The following PRMT9 variants were observed in gnomAD, a reference collection of about 807,000 sequenced individuals.
The protein encoded by PRMT9 is protein arginine methyltransferase 9.
In PRMT9, 59 loss-of-function variants were observed where a neutral mutation model predicts 83.2. The ratio of observed to expected loss-of-function variants is 0.71; its 90% confidence interval spans 0.57 to 0.88. The LOEUF (loss-of-function observed/expected upper bound fraction) is 0.88, where lower values mean the gene tolerates loss of function less well. PRMT9 is among the 40% of genes least tolerant of loss of function. The pLI is 0.00. For synonymous variants in PRMT9, 333 were observed against 353.2 expected, an observed-to-expected ratio of 0.94 and a Z score of 0.64; for missense variants, 947 against 1,021.9, an observed-to-expected ratio of 0.93 and a Z score of 1.00.
At chr4:147,650,714 C>T (rs1233991185) in intron 9 of PRMT9, among the ~76,000 whole-genome samples, 1 of 152,222 alleles carries the variant, frequency 6.6e-6, no homozygotes, top group East Asian at 1.9e-4. Flanking sequence ...GGAGGCCTCA[C>T]ACTTCCTGAC....
chr4:147,646,310 G>A (rs1733723573), intron 9 of PRMT9, among the ~76,000 whole-genome samples: 1 of 152,122 alleles, frequency 6.6e-6, no homozygotes, highest in Non-Finnish European at 1.5e-5. Context: ...TCTGAAAGGA[G>A]AGACTAGCCA....
chr4:147,667,432 T>C (rs1233131875), intron 6 of PRMT9, among the ~76,000 whole-genome samples: 1 of 152,176 alleles, frequency 6.6e-6, no homozygotes, highest in Non-Finnish European at 1.5e-5. Context: ...CAAAATTAAA[T>C]TTACACACAC....
At chr4:147,673,185 T>G (rs1197098454) in intron 3 of PRMT9, 59 bp from the exon 4 acceptor site, 19 of 1,513,478 alleles carry the variant, frequency 1.3e-5, no homozygotes, top group Non-Finnish European at 1.6e-5. Flanking sequence ...TTCTCAAATT[T>G]TAAGGAAATG....
At chr4:147,656,862 A>G (rs1281789963) in intron 8 of PRMT9, among the ~76,000 whole-genome samples, 1 of 151,790 alleles carries the variant, frequency 6.6e-6, no homozygotes, top group Non-Finnish European at 1.5e-5. Flanking sequence ...CCTGGCCTCA[A>G]GCAATCCTCC....
In PRMT9 at chr4:147,673,614, C is replaced by T. The variant is rs1187131296; in HGVS notation, c.575+24G>A. On this transcript the variant is annotated intron_variant, in intron 3 of 11. Transcript: ENST00000322396. ...TTTACATTAGAATACATGTATATACCATTAAAATGCAATTACTACCAACCT... is the reference window on the plus strand; with the variant it reads ...TTTACATTAGAATACATGTATATACTATTAAAATGCAATTACTACCAACCT... 6 of 1,344,242 alleles carry T rather than the reference C, an allele frequency of 4.5e-6. No homozygotes were observed. The East Asian group carries it at 1.1e-4, about 26-fold the overall frequency. The allele number at this position is 1,344,242 out of a possible 1,614,324, so 83.3% of individuals were successfully genotyped here. A position where few individuals can be genotyped will look rare whatever the true frequency, so the allele number is the denominator to read the frequency against.
rs1023416920 is a variant in PRMT9 at position 147,656,771 on chromosome 4, CAAAAAA to C, written c.1330+1015_1330+1020del. Among the ~76,000 whole-genome samples the C allele has an allele frequency of 3.3e-4, 16 of 47,958 alleles. No homozygotes were observed. In the South Asian group the frequency reaches 8.0e-3, roughly 24 times the overall value. 31.5% of individuals were successfully genotyped at this position (47,958 alleles called of 152,430 possible). Reference sequence around the variant, plus strand: ...TGGGCAACAGAGCGAGACTCTGTCTCAAAAAAAAAAAAAAAAAAAAAAAAGAAAGAA... The same window carrying C: ...TGGGCAACAGAGCGAGACTCTGTCTCAAAAAAAAAAAAAAAAAAGAAAGAA... On this transcript the variant is annotated intron_variant, in intron 8 of 11. Transcript: ENST00000322396.
At chr4:147,679,756 A>C (rs1172235437) in intron 2 of PRMT9, among the ~76,000 whole-genome samples, 1 of 152,186 alleles carries the variant, frequency 6.6e-6, no homozygotes, top group Non-Finnish European at 1.5e-5. Flanking sequence ...CCCCCAAAAA[A>C]AACAGTGCTG....
chr4:147,642,692 T>C, intron 10 of PRMT9, 95 bp downstream of exon 10: 1 of 1,060,954 alleles, frequency 9.4e-7, no homozygotes. Context: ...TAAACTTTAG[T>C]CACTGTGTTT....
At chr4:147,672,154 T>C (rs1735780711) in intron 4 of PRMT9, 2 of 256,872 alleles carry the variant, frequency 7.8e-6, no homozygotes, top group Admixed American at 5.2e-5. Context: ...ATTAATCTAA[T>C]AGGAATTTTT....
intron 8 of PRMT9, among the ~76,000 whole-genome samples, chr4:147,656,771 C>CAAAAAAAAAAAAAAAAAAAAAAAA (rs1023416920): frequency 1.3e-4 from 6 of 47,954 alleles, no homozygotes; most frequent in Non-Finnish European, 1.3e-4. Flanking sequence ...GACTCTGTCT[C>CAAAAAAAAAAAAAAAAAAAAAAAA]AAAAAAAAAA....
chr4:147,654,227 A>G lies in PRMT9; in HGVS notation c.1670T>C (p.Met557Thr), dbSNP rs774061559. Residue 557 changes from methionine to threonine, a missense_variant, in exon 9 of 12, where the codon ATG becomes ACG. Met to Thr is a moderately conservative substitution (Grantham distance 81). Coordinates refer to ENST00000322396, the MANE Select transcript of PRMT9 (RefSeq NM_138364.4). ...CATCTCATTCTGACAGTGAGTATCCATGGTCTGATACAGTTTCTCTGGAGT... is the reference window on the plus strand; with the variant it reads ...CATCTCATTCTGACAGTGAGTATCCGTGGTCTGATACAGTTTCTCTGGAGT... ...SLTPEKLYQT[M>T]DTHCQNEMSS... 6 of 1,614,166 alleles carry G rather than the reference A, an allele frequency of 3.7e-6. No homozygotes were observed. In the South Asian group the frequency reaches 6.6e-5, roughly 18 times the overall value.
rs541429822 is a variant in PRMT9, at chr4:147,640,181, T to C, written c.2200-1099A>G. Among the ~76,000 whole-genome samples, 283 of 147,064 alleles carry C rather than the reference T, an allele frequency of 1.9e-3. 4 individuals are homozygous for C. Among genetic ancestry groups the C allele is most frequent in the African/African-American group, 6.7e-3 (270 of 40,002 alleles). Reference sequence around the variant, plus strand: ...TCCGCTTCCTGGGCTCAAGTGATCCTCCCACCTCAGCCTCCCAAGTAGCTA... The same window carrying C: ...TCCGCTTCCTGGGCTCAAGTGATCCCCCCACCTCAGCCTCCCAAGTAGCTA... On this transcript the variant is annotated intron_variant, in intron 10 of 11. Transcript: ENST00000322396.
chr4:147,655,642 A>G (rs1734435871), intron 8 of PRMT9, among the ~76,000 whole-genome samples: 1 of 152,092 alleles, frequency 6.6e-6, no homozygotes, highest in Non-Finnish European at 1.5e-5. Context: ...TCAGGGCTCA[A>G]GCTATCCTCC....
chr4:147,669,086 TA>T (rs78679149), intron 5 of PRMT9, among the ~76,000 whole-genome samples: 90 of 144,454 alleles, frequency 6.2e-4, no homozygotes, highest in Admixed American at 6.2e-4. Flanking sequence ...ACTCCATCTT[TA>T]AAAAAAAAAA....
intron 7 of PRMT9, among the ~76,000 whole-genome samples, chr4:147,659,428 A>G (rs925713297): frequency 6.6e-6 from 1 of 151,862 alleles, no homozygotes; most frequent in Non-Finnish European, 1.5e-5. Flanking sequence ...AAAGAAAAAA[A>G]AATCTTAGGC....
intron 10 of PRMT9, chr4:147,639,409 A>C (rs550438984): frequency 2.5e-5 from 7 of 274,596 alleles, no homozygotes; most frequent in African/African-American, 1.1e-4. Context: ...AACAGCTCTA[A>C]AATTTTTAAC....
In PRMT9 at chr4:147,653,451, A is replaced by T. The variant is rs973967012; in HGVS notation, c.2045+401T>A. Among the ~76,000 whole-genome samples, 123 of 130,250 alleles carry T rather than the reference A, an allele frequency of 9.4e-4. No homozygotes were observed. The East Asian group carries it at 0.011, about 12-fold the overall frequency. 85.4% of individuals were successfully genotyped at this position (130,250 alleles called of 152,430 possible). A position where few individuals can be genotyped will look rare whatever the true frequency, so the allele number is the denominator to read the frequency against. ...GAGCGAAACTCCGTCTTAAAAAAAAAAAATATATATATATATATCTTGGTT... is the reference window on the plus strand; with the variant it reads ...GAGCGAAACTCCGTCTTAAAAAAAATAAATATATATATATATATCTTGGTT... On this transcript the variant is annotated intron_variant, in intron 9 of 11. Coordinates refer to ENST00000322396, the MANE Select transcript of PRMT9 (RefSeq NM_138364.4).
intron 1 of PRMT9, among the ~76,000 whole-genome samples, chr4:147,683,407 C>A (rs761186004): frequency 1.3e-5 from 2 of 152,156 alleles, no homozygotes; most frequent in Non-Finnish European, 2.9e-5. Context: ...GAGCCGACTG[C>A]AACAGCCGGC....
At chr4:147,681,544 T>C (rs1433694564) in intron 1 of PRMT9, among the ~76,000 whole-genome samples, 5 of 152,134 alleles carry the variant, frequency 3.3e-5, no homozygotes, top group Non-Finnish European at 2.9e-5. Context: ...CCCAGCCCTT[T>C]GGGAGGCCAA....
Sources: gnomAD v4.1 joint callset for allele counts (sites outside exome capture counted in the v4.1 genomes callset) on GRCh38, gnomAD v4.1.1 for gene constraint, MANE v1.5 for transcripts, NCBI Gene and HGNC (gene_info 2026-07-23, HGNC 2026-07-21) for gene names.